The following PIWIL2 variants were observed in gnomAD, a reference collection of about 807,000 sequenced individuals.
PIWIL2 encodes piwi-like protein 2.
PIWIL2 carries 81 observed loss-of-function variants against 116.5 expected under a neutral mutation model. The ratio of observed to expected loss-of-function variants is 0.70; its 90% CI spans 0.58 to 0.84. The LOEUF (loss-of-function observed/expected upper bound fraction) is 0.84. Among genes scored for constraint, PIWIL2 ranks in the 40% least tolerant of loss-of-function variants. The pLI, the probability that PIWIL2 is intolerant of heterozygous loss-of-function variation, is 0.00. For missense variants in PIWIL2, 1,272 were observed against 1,212.3 expected, an observed-to-expected ratio of 1.05 and a Z score of -0.73; for synonymous variants, 489 against 429.5, an observed-to-expected ratio of 1.14 and a Z score of -1.71.
intron 8 of PIWIL2, among the ~76,000 whole-genome samples, chr8:22,289,140 C>A (rs1047444049): frequency 1.4e-5 from 2 of 147,854 alleles, no homozygotes; most frequent in Admixed American, 6.8e-5. Flanking sequence ...AATTTCTTTT[C>A]TTTTCTTTTT....
chr8:22,321,968 A>T, intron 20 of PIWIL2: 1 of 983,716 alleles, frequency 1.0e-6, no homozygotes, highest in Non-Finnish European at 1.2e-6. Flanking sequence ...TAAATCTCTC[A>T]CTTGTCCTCT....
At position 22,314,412 on chromosome 8, in the gene PIWIL2, TC is replaced by T; in HGVS notation, c.2078del (p.Pro693GlnfsTer44). The T allele has an allele frequency of 1.3e-6, 2 of 1,571,158 alleles. No homozygotes were observed. The highest frequency in any genetic ancestry group is 1.7e-6 in the Non-Finnish European group (2 of 1,155,910). ...CATCAAGAAGCTGTGCTGTGTGCAG[TC>T]CCCAGTGCCCTCCCAGGTGAGTGGG... ...GAIKKLCCVQ[S>X]PVPSQVVNVR... On this transcript the variant is annotated frameshift_variant, in exon 17 of 23. Coordinates refer to ENST00000356766, the MANE Select transcript of PIWIL2 (RefSeq NM_018068.5). LOFTEE classifies it high-confidence loss of function.
chr8:22,312,265 CA>C (rs56133501), intron 16 of PIWIL2, among the ~76,000 whole-genome samples: 64,821 of 129,976 alleles, frequency 0.5, 16,209 homozygotes, highest in East Asian at 0.81. Flanking sequence ...ACCTTTTCTC[CA>C]AAAAAAAAAA....
intron 20 of PIWIL2, among the ~76,000 whole-genome samples, chr8:22,325,319 C>G (rs1420116515): frequency 6.6e-6 from 1 of 152,096 alleles, no homozygotes. Flanking sequence ...AGTGTGTAAG[C>G]CAGCCCTTCA....
chr8:22,310,604 G>A (rs1225371400), intron 15 of PIWIL2, among the ~76,000 whole-genome samples: 3 of 151,338 alleles, frequency 2.0e-5, no homozygotes, highest in Admixed American at 1.3e-4. Flanking sequence ...ACTTATAAAC[G>A]TGTAACTTGA....
chr8:22,289,757 C>G (rs906867644), intron 8 of PIWIL2, 90 bp from the exon 9 acceptor site: 2 of 776,672 alleles, frequency 2.6e-6, no homozygotes, highest in African/African-American at 1.7e-5. Context: ...TCTAACCGTT[C>G]AGACTTCCAA....
intron 10 of PIWIL2, among the ~76,000 whole-genome samples, chr8:22,293,056 G>A (rs745417337): frequency 6.6e-6 from 1 of 152,220 alleles, no homozygotes; most frequent in Non-Finnish European, 1.5e-5. Context: ...TCTTCAAATC[G>A]GCTATTTCTT....
Position 22,302,703 on chromosome 8 carries a change from C to T in PIWIL2, c.1182-1318C>T, listed in dbSNP as rs557322015. On this transcript the variant is annotated intron_variant, in intron 10 of 22. Coordinates refer to ENST00000356766, the MANE Select transcript of PIWIL2 (RefSeq NM_018068.5). Reference sequence around the variant, plus strand: ...CCCCATGACTCCATAAGGCTTCCATCTCTGCTAATGGATTTGTGTGTAGAT... The same window carrying T: ...CCCCATGACTCCATAAGGCTTCCATTTCTGCTAATGGATTTGTGTGTAGAT... Among the ~76,000 whole-genome samples, 3 of 152,286 alleles carry T rather than the reference C, an allele frequency of 2.0e-5. No individual in the cohort carries two copies. The South Asian group carries it at 6.2e-4, about 32-fold the overall frequency.
intron 20 of PIWIL2, among the ~76,000 whole-genome samples, chr8:22,339,584 G>A (rs1184125657): frequency 6.6e-6 from 1 of 152,134 alleles, no homozygotes; most frequent in Non-Finnish European, 1.5e-5. Context: ...TTAGGCACCA[G>A]TTGATTAGAT....
At chr8:22,285,574 A>T (rs1231615741) in intron 6 of PIWIL2, among the ~76,000 whole-genome samples, 1 of 152,148 alleles carries the variant, frequency 6.6e-6, no homozygotes, top group Non-Finnish European at 1.5e-5. Context: ...TTGGATAAAT[A>T]CCAAGAAGTG....
Position 22,356,002 on chromosome 8 carries a change from G to C in PIWIL2, c.*497G>C, listed in dbSNP as rs1453732898. The C allele has an allele frequency of 6.5e-6, 1 of 155,036 alleles. No individual in the cohort carries two copies. The highest frequency in any genetic ancestry group is 1.9e-4 in the East Asian group (1 of 5,330). The allele number at this position is 155,036 out of a possible 1,614,324, so 9.6% of individuals were successfully genotyped here. On this transcript the variant is annotated 3_prime_UTR_variant, in exon 23 of 23. Coordinates refer to ENST00000356766, the MANE Select transcript of PIWIL2 (RefSeq NM_018068.5). ...GCAGGAGAATCGCTTGAACCCGGGA[G>C]GTGGAGGTTGCAGTGAGCCGAGATC... is the stretch of plus-strand genomic sequence containing the variant.
rs752775150 is a variant in PIWIL2 at position 22,315,034 on chromosome 8, C to T, written c.2097C>T (p.Val699=). 1 of 1,605,258 alleles carries T rather than the reference C, an allele frequency of 6.2e-7. No individual in the cohort carries two copies. Among genetic ancestry groups the T allele is most frequent in the Non-Finnish European group, 8.5e-7 (1 of 1,171,852 alleles). The change falls in exon 18 of 23, where the codon GTC becomes GTT. Residue 699 remains valine, a synonymous_variant. Transcript: ENST00000356766. ...CVQSPVPSQV[V]NVRTIGQPTR... Reference sequence around the variant, plus strand: ...TTTTGGTCCCTTCATTATAGGTTGTCAATGTTCGAACCATTGGTCAGCCCA... The same window carrying T: ...TTTTGGTCCCTTCATTATAGGTTGTTAATGTTCGAACCATTGGTCAGCCCA...
intron 6 of PIWIL2, among the ~76,000 whole-genome samples, 171 bp downstream of exon 6, chr8:22,284,443 A>G (rs1423523868): frequency 6.6e-6 from 1 of 152,136 alleles, no homozygotes; most frequent in East Asian, 1.9e-4. Context: ...AACTTTGTGT[A>G]TGTATTTAGC....
rs1022304504 is a variant in PIWIL2, at chr8:22,320,461, G to A, written c.2403+2186G>A. Among the ~76,000 whole-genome samples the A allele has an allele frequency of 2.6e-4, 40 of 151,174 alleles. 3 individuals are homozygous for A. The highest frequency in any genetic ancestry group is 1.9e-4 in the East Asian group (1 of 5,134). ...TTTTTTTTTTATTTTTAGTAGAGACGGGGTTTTGCCATGTTGGCCAGACTG... is the reference window on the plus strand; with the variant it reads ...TTTTTTTTTTATTTTTAGTAGAGACAGGGTTTTGCCATGTTGGCCAGACTG... On this transcript the variant is annotated intron_variant, in intron 20 of 22. Coordinates refer to ENST00000356766, the MANE Select transcript of PIWIL2 (RefSeq NM_018068.5).
chr8:22,304,703 TG>T, intron 11 of PIWIL2, 80 bp from the exon 12 acceptor site: 1 of 795,592 alleles, frequency 1.3e-6, no homozygotes, highest in Non-Finnish European at 2.2e-6. Flanking sequence ...ACCTCAGTCC[TG>T]GTTAAGAGAC....
In PIWIL2 at chr8:22,318,400, C is replaced by G. The variant is rs1831517831; in HGVS notation, c.2403+125C>G. 7.0e-6 allele frequency: 4 copies of G among 574,404 alleles called. No homozygotes were observed. In the South Asian group the frequency reaches 8.8e-5, roughly 13 times the overall value. The allele number at this position is 574,404 out of a possible 1,614,324, so 35.6% of individuals were successfully genotyped here. On this transcript the variant is annotated intron_variant, in intron 20 of 22. Coordinates refer to ENST00000356766, the MANE Select transcript of PIWIL2 (RefSeq NM_018068.5). The stretch of plus-strand genomic sequence containing the variant: ...TGGTGCGATCTCTGTTCACTGCAAC[C>G]TCTGCCTCCTGGGTTCAAGCGGTTC...
chr8:22,285,816 A>AT (rs1355861621), intron 6 of PIWIL2, among the ~76,000 whole-genome samples: 2 of 151,066 alleles, frequency 1.3e-5, no homozygotes, highest in African/African-American at 2.4e-5. Flanking sequence ...TAATTTTTGT[A>AT]TTTTTTTTAG....
chr8:22,333,385 G>C (rs988234853), intron 20 of PIWIL2, among the ~76,000 whole-genome samples: 5 of 152,104 alleles, frequency 3.3e-5, no homozygotes, highest in African/African-American at 9.7e-5. Context: ...GCTGAGGAGG[G>C]CGGATCACCT....
chr8:22,297,835 T>C (rs1016328165), intron 10 of PIWIL2, among the ~76,000 whole-genome samples: 25 of 152,188 alleles, frequency 1.6e-4, no homozygotes, highest in Non-Finnish European at 3.7e-4. Context: ...AGGAAAGGCC[T>C]AAATTGGTAT....
Sources: gnomAD v4.1 joint callset for allele counts (sites outside exome capture counted in the v4.1 genomes callset) on GRCh38, gnomAD v4.1.1 for gene constraint, MANE v1.5 for transcripts, NCBI Gene and HGNC (gene_info 2026-07-23, HGNC 2026-07-21) for gene names.